The following RSRP1 variants were observed in gnomAD, a reference collection of about 807,000 sequenced individuals.
RSRP1 encodes the protein arginine/serine-rich protein 1.
Under a neutral mutation model 33.0 loss-of-function variants are expected in RSRP1, and 37 were observed. That is an observed-to-expected ratio of 1.12 (90% CI 0.86 to 1.48). The LOEUF is 1.48. Among genes scored for constraint, RSRP1 ranks in the 40% most tolerant of loss-of-function variants. RSRP1 has a pLI of 0.00. For missense variants in RSRP1, 402 were observed against 385.3 expected (o/e 1.04, Z -0.36); for synonymous variants, 167 against 158.7 (o/e 1.05, Z -0.40).
In RSRP1 at chr1:25,311,264, G is replaced by A. The variant is rs1258748946; in HGVS notation, c.-67+26714C>T. Among the ~76,000 whole-genome samples the A allele has an allele frequency of 5.3e-5, 7 of 131,816 alleles. 3 individuals carry two copies. The highest frequency in any genetic ancestry group is 1.5e-4 in the Admixed American group (2 of 13,636). The allele number at this position is 131,816 out of a possible 152,430, so 86.5% of individuals were successfully genotyped here. A position where few individuals can be genotyped will look rare whatever the true frequency, so the allele number is the denominator to read the frequency against. On this transcript the variant is annotated intron_variant, in intron 1 of 1. Coordinates refer to the RSRP1 transcript ENST00000561867. ...TTCTGTGCCAGAGTCATTTATGGAA[G>A]GCAGAAAATCTGTAGGTCAGCCATG...
intron 1 of RSRP1, among the ~76,000 whole-genome samples, chr1:25,289,884 AT>A (rs2124638921): frequency 7.8e-6 from 1 of 128,542 alleles, no homozygotes; most frequent in South Asian, 2.4e-4. Flanking sequence ...ACTCCTGAGC[AT>A]GCTCATTGGT....
rs1388316898 is a variant in RSRP1 at position 25,272,330 on chromosome 1, A to G, written c.-66-25301T>C. On this transcript the variant is annotated intron_variant, in intron 1 of 1. Transcript: ENST00000561867. ...AGGAACACAGCAACTTGTTGAATGA[A>G]TGACAATATTGGAAAACATACATTT... The G allele has an allele frequency of 1.1e-5, 6 of 557,562 alleles. No individual in the cohort carries two copies. In the East Asian group the frequency reaches 1.7e-4, roughly 16 times the overall value. 34.5% of individuals were successfully genotyped at this position (557,562 alleles called of 1,614,324 possible). A position where few individuals can be genotyped will look rare whatever the true frequency, so the allele number is the denominator to read the frequency against.
At chr1:25,261,903 G>A (rs1439996718) in intron 1 of RSRP1, among the ~76,000 whole-genome samples, 1 of 151,056 alleles carries the variant, frequency 6.6e-6, no homozygotes, top group African/African-American at 2.4e-5. Context: ...GTAGAAATGG[G>A]GTTTCACCAT....
intron 1 of RSRP1, chr1:25,307,607 A>G (rs1643916197): frequency 1.1e-6 from 1 of 901,814 alleles, no homozygotes; most frequent in African/African-American, 1.6e-5. Context: ...GTATTCTCAG[A>G]CTCTAAGAAA....
rs1407393293 is a variant in RSRP1 at position 25,266,526 on chromosome 1, T to G, written c.-66-19497A>C. On this transcript the variant is annotated intron_variant, in intron 1 of 1. Transcript: ENST00000561867. ...GTCCATTTAAAAACAGGCTATAGAT[T>G]GTATCATGCAGTTTTATCTACTAAT... 2.3e-5 allele frequency among the ~76,000 whole-genome samples: 3 copies of G among 128,006 alleles called. 1 individual carries two copies. Among genetic ancestry groups the G allele is most frequent in the Non-Finnish European group, 5.4e-5 (3 of 55,450 alleles). 84.0% of individuals were successfully genotyped at this position (128,006 alleles called of 152,430 possible).
chr1:25,302,835 A>T (rs1302873771), intron 1 of RSRP1, among the ~76,000 whole-genome samples: 1 of 131,468 alleles, frequency 7.6e-6, no homozygotes, highest in African/African-American at 2.6e-5. Context: ...CTTATGAAGA[A>T]GGTACATCCA....
chr1:25,300,904 G>A lies in RSRP1; in HGVS notation c.-67+37074C>T, dbSNP rs568490582. ...GGACTATCAGGGCTTGCCCCGGGCA[G>A]AGGATGCCGACACTCACTGCTCTTA... is the stretch of plus-strand genomic sequence containing the variant. On this transcript the variant is annotated intron_variant, in intron 1 of 1. Coordinates refer to the RSRP1 transcript ENST00000561867. 24 of 1,369,158 alleles carry A rather than the reference G, an allele frequency of 1.8e-5. No homozygotes were observed. In the East Asian group the frequency reaches 4.9e-4, roughly 28 times the overall value. The allele number at this position is 1,369,158 out of a possible 1,614,324, so 84.8% of individuals were successfully genotyped here.
chr1:25,319,089 G>A (rs1489879593), intron 1 of RSRP1, among the ~76,000 whole-genome samples: 1 of 132,096 alleles, frequency 7.6e-6, no homozygotes. Flanking sequence ...AATGAATTGG[G>A]TATCCTGCAT....
At chr1:25,313,011 T>C (rs1384651927) in intron 1 of RSRP1, among the ~76,000 whole-genome samples, 4 of 113,770 alleles carry the variant, frequency 3.5e-5, no homozygotes, top group Non-Finnish European at 7.9e-5. Context: ...TTTTGGGGGC[T>C]GGGGCAGGAT....
intron 1 of RSRP1, among the ~76,000 whole-genome samples, chr1:25,298,847 T>G (rs1643144630): frequency 7.8e-6 from 1 of 128,058 alleles, no homozygotes; most frequent in Non-Finnish European, 1.8e-5. Context: ...CAGATAAAAA[T>G]GAAATGGAGA....
chr1:25,285,339 G>C lies in RSRP1; in HGVS notation c.-66-38310C>G, dbSNP rs1641880576. Among the ~76,000 whole-genome samples, 3 of 133,950 alleles carry C rather than the reference G, an allele frequency of 2.2e-5. 1 individual carries two copies. The South Asian group carries it at 6.6e-4, about 30-fold the overall frequency. 87.9% of individuals were successfully genotyped at this position (133,950 alleles called of 152,430 possible). A position where few individuals can be genotyped will look rare whatever the true frequency, so the allele number is the denominator to read the frequency against. On this transcript the variant is annotated intron_variant, in intron 1 of 1. Transcript: ENST00000561867. ...AGTAGAGATAGGGTTTCTCCGTGTTGGTCAGGCTAGTCTCAAACTCCTGAC... is the reference window on the plus strand; with the variant it reads ...AGTAGAGATAGGGTTTCTCCGTGTTCGTCAGGCTAGTCTCAAACTCCTGAC...
In RSRP1 at chr1:25,278,903, C is replaced by T. The variant is rs1243800038; in HGVS notation, c.-66-31874G>A. ...AGGCTGTGGGCGAGGAGGTGGCGGCCTCCTGAGGCTGCAGTGGTCTTTCCA... is the reference window on the plus strand; with the variant it reads ...AGGCTGTGGGCGAGGAGGTGGCGGCTTCCTGAGGCTGCAGTGGTCTTTCCA... On this transcript the variant is annotated intron_variant, in intron 1 of 1. Coordinates refer to the RSRP1 transcript ENST00000561867. Among the ~76,000 whole-genome samples the T allele has an allele frequency of 3.1e-5, 4 of 128,648 alleles. 2 individuals are homozygous for T. Among genetic ancestry groups the T allele is most frequent in the African/African-American group, 5.4e-5 (2 of 37,370 alleles). 84.4% of individuals were successfully genotyped at this position (128,648 alleles called of 152,430 possible).
At chr1:25,257,320 A>G (rs112047863) in intron 1 of RSRP1, among the ~76,000 whole-genome samples, 7 of 152,308 alleles carry the variant, frequency 4.6e-5, no homozygotes, top group African/African-American at 1.4e-4. Context: ...TATAAATTAC[A>G]TAAGGAGAGA....
intron 1 of RSRP1, chr1:25,303,602 T>C: frequency 1.1e-6 from 1 of 925,254 alleles, no homozygotes; most frequent in Admixed American, 2.1e-5. Context: ...TAGTGAGGGA[T>C]CCATCCTGGC....
At chr1:25,264,246 C>T (rs1640251148) in intron 1 of RSRP1, among the ~76,000 whole-genome samples, 2 of 152,008 alleles carry the variant, frequency 1.3e-5, no homozygotes, top group Admixed American at 1.3e-4. Flanking sequence ...TCTCTGACCC[C>T]ACATTTCCCT....
chr1:25,256,007 G>C (rs887717280), intron 1 of RSRP1, among the ~76,000 whole-genome samples: 1 of 152,174 alleles, frequency 6.6e-6, no homozygotes. Flanking sequence ...CATTGGCAAA[G>C]GGTGATACAT....
chr1:25,338,135 T>C (rs1469732177), upstream of RSRP1: 1 of 152,120 alleles, frequency 6.6e-6, no homozygotes, highest in Non-Finnish European at 1.5e-5. Context: ...ACAGAGCAAC[T>C]TCTCACGCCT....
At chr1:25,291,908 G>T (rs1642540317) in intron 1 of RSRP1, among the ~76,000 whole-genome samples, 1 of 132,550 alleles carries the variant, frequency 7.5e-6, no homozygotes, top group African/African-American at 2.6e-5. Context: ...GAGAGGGGAA[G>T]GGACTGCCCA....
upstream of RSRP1, among the ~76,000 whole-genome samples, chr1:25,252,264 G>T (rs1478966700): frequency 1.3e-5 from 2 of 151,936 alleles, no homozygotes; most frequent in Non-Finnish European, 2.9e-5. Context: ...GTTCTGTGTG[G>T]GGAGTGCACA....
Sources: allele counts gnomAD v4.1 joint callset (sites outside exome capture counted in the v4.1 genomes callset), GRCh38; gene constraint gnomAD v4.1.1; transcripts MANE v1.5; gene names NCBI Gene and HGNC (gene_info 2026-07-23, HGNC 2026-07-21).